The following KCNIP4 variants were observed in gnomAD, a reference collection of about 807,000 sequenced individuals.
The protein encoded by KCNIP4 is potassium voltage-gated channel interacting protein 4.
In KCNIP4, 12 loss-of-function variants were observed where a neutral mutation model predicts 34.0. That is an observed-to-expected ratio of 0.35 (90% CI 0.23 to 0.57). The LOEUF is 0.57. Among genes scored for constraint, KCNIP4 ranks in the 20% least tolerant of loss-of-function variants. The pLI, the probability that KCNIP4 is intolerant of heterozygous loss-of-function variation, is 0.83. For synonymous variants in KCNIP4, 124 were observed against 102.2 expected (o/e 1.21, Z -1.29); for missense variants, 238 against 311.7 (o/e 0.76, Z 1.78).
intron 1 of KCNIP4, among the ~76,000 whole-genome samples, chr4:21,025,592 T>C (rs182578840): frequency 0.011 from 1,531 of 135,878 alleles, 30 homozygotes; most frequent in African/African-American, 0.04. Context: ...CTCACTCTGT[T>C]GCCCAGGCTA....
At chr4:21,855,802 G>C (rs7678222) in intron 1 of KCNIP4, 143,732 of 152,064 alleles carry the variant, frequency 0.95, 68,437 homozygotes, top group East Asian at 1. Context: ...CTTCTTGTTT[G>C]CACCCTTGCC....
intron 4 of KCNIP4, among the ~76,000 whole-genome samples, chr4:20,749,971 A>G (rs1753293094): frequency 6.6e-6 from 1 of 152,216 alleles, no homozygotes; most frequent in Non-Finnish European, 1.5e-5. Context: ...CTGGCTGGCA[A>G]TGCTGTAGTC....
intron 1 of KCNIP4, among the ~76,000 whole-genome samples, chr4:21,022,167 A>T (rs998969707): frequency 3.3e-5 from 5 of 152,154 alleles, no homozygotes; most frequent in African/African-American, 1.2e-4. Flanking sequence ...GCAGCAAGTA[A>T]GTGTGTATTT....
intron 1 of KCNIP4, among the ~76,000 whole-genome samples, chr4:21,518,054 T>C (rs550929463): frequency 1.1e-4 from 16 of 152,254 alleles, no homozygotes; most frequent in African/African-American, 1.9e-4. Context: ...CTAGTAAGAA[T>C]TGAACATGAG....
intron 3 of KCNIP4, among the ~76,000 whole-genome samples, chr4:20,847,830 T>C (rs2149479597): frequency 6.6e-6 from 1 of 152,340 alleles, no homozygotes; most frequent in African/African-American, 2.4e-5. Flanking sequence ...TGGTTTATCC[T>C]TTGAATCACA....
At chr4:21,714,807 TTA>T (rs1195382052) in intron 1 of KCNIP4, among the ~76,000 whole-genome samples, 8 of 240 alleles carry the variant, frequency 0.033, 1 homozygote, top group Admixed American at 0.12. Flanking sequence ...TTATTTTATT[TTA>T]TTTTATTTTA....
At chr4:21,751,610 T>A (rs183117866) in intron 1 of KCNIP4, among the ~76,000 whole-genome samples, 17 of 152,264 alleles carry the variant, frequency 1.1e-4, no homozygotes, top group Admixed American at 4.6e-4. Context: ...GCGTTTGAAA[T>A]TTTCATAATA....
intron 1 of KCNIP4, among the ~76,000 whole-genome samples, chr4:21,022,230 A>G (rs60614253): frequency 0.024 from 3,730 of 152,252 alleles, 161 homozygotes; most frequent in African/African-American, 0.086. Context: ...GTCATTCCAC[A>G]TTTTGTTATG....
intron 1 of KCNIP4, among the ~76,000 whole-genome samples, chr4:20,987,325 C>T (rs1736668976): frequency 6.6e-6 from 1 of 152,154 alleles, no homozygotes; most frequent in African/African-American, 2.4e-5. Context: ...TATATTAAAA[C>T]ATCCTGGCTT....
Position 21,180,945 on chromosome 4 carries a change from A to T in KCNIP4, c.62-298236T>A, listed in dbSNP as rs568128969. ...TTATACTGAAAGGGGAGGATGTGTT[A>T]ATCTGTTTTAAGTTTAGGCTACAGG... On this transcript the variant is annotated intron_variant, in intron 1 of 8. Coordinates refer to ENST00000382152, the MANE Select transcript of KCNIP4 (RefSeq NM_025221.6). 3.7e-4 allele frequency among the ~76,000 whole-genome samples: 56 copies of T among 152,228 alleles called. 1 individual carries two copies. In the South Asian group the frequency reaches 0.011, roughly 31 times the overall value.
chr4:20,998,826 T>C (rs1737802036), intron 1 of KCNIP4, among the ~76,000 whole-genome samples: 1 of 152,222 alleles, frequency 6.6e-6, no homozygotes, highest in African/African-American at 2.4e-5. Context: ...GCACAGTCGG[T>C]GCACTTAATT....
intron 1 of KCNIP4, among the ~76,000 whole-genome samples, chr4:21,312,589 T>C (rs1023878871): frequency 2.6e-5 from 4 of 152,240 alleles, no homozygotes; most frequent in Admixed American, 6.5e-5. Context: ...CGGTTTCTCA[T>C]ACTTCTCTGG....
intron 1 of KCNIP4, among the ~76,000 whole-genome samples, chr4:20,925,327 T>A (rs1044284328): frequency 1.3e-5 from 2 of 152,010 alleles, no homozygotes; most frequent in African/African-American, 4.8e-5. Context: ...TTGAAGTCAC[T>A]AGATAAGACA....
intron 1 of KCNIP4, among the ~76,000 whole-genome samples, chr4:21,814,616 G>A (rs748992622): frequency 6.6e-6 from 1 of 152,104 alleles, no homozygotes; most frequent in Non-Finnish European, 1.5e-5. Flanking sequence ...CGTGAGAAGA[G>A]ACTAATACAC....
chr4:20,732,709 G>A lies in KCNIP4; in HGVS notation c.614C>T (p.Pro205Leu), dbSNP rs928176600. Residue 205 changes from proline to leucine, a missense_variant, in exon 7 of 9, where the codon CCC becomes CTC. Physicochemically the swap from Pro to Leu is moderately conservative, Grantham distance 98 (BLOSUM62 -3). Transcript: ENST00000382152. ...CTYPVLKEDA[P>L]RQHVETFFQK... is the part of the protein sequence containing the mutation. ...AAAAAATGTTTCAACGTGTTGTCTG[G>A]GAGCATCTTCTTTGAGGACAGGATA... 6.2e-7 allele frequency: 1 copy of A among 1,611,724 alleles called. No individual in the cohort carries two copies. The highest frequency in any genetic ancestry group is 1.7e-5 in the Admixed American group (1 of 59,972).
intron 3 of KCNIP4, among the ~76,000 whole-genome samples, chr4:20,849,717 C>A (rs1482840791): frequency 6.6e-6 from 1 of 152,114 alleles, no homozygotes; most frequent in African/African-American, 2.4e-5. Flanking sequence ...TAAGAACAAA[C>A]TATATGTTGG....
chr4:20,774,334 T>C (rs993141099), intron 3 of KCNIP4, among the ~76,000 whole-genome samples: 1 of 152,068 alleles, frequency 6.6e-6, no homozygotes, highest in African/African-American at 2.4e-5. Context: ...TCCTTAGTTA[T>C]TACTCTCAGT....
chr4:20,973,674 TGA>T (rs1450771967), intron 1 of KCNIP4, among the ~76,000 whole-genome samples: 7 of 152,284 alleles, frequency 4.6e-5, no homozygotes, highest in African/African-American at 1.7e-4. Flanking sequence ...TGATTTCAAG[TGA>T]GAGATGTATG....
chr4:21,824,103 T>C (rs4377576), intron 1 of KCNIP4, among the ~76,000 whole-genome samples: 75,278 of 152,042 alleles, frequency 0.5, 19,236 homozygotes, highest in African/African-American at 0.56. Context: ...CTTTGCAAAA[T>C]ATCATAACAA....
Sources: allele counts gnomAD v4.1 joint callset (sites outside exome capture counted in the v4.1 genomes callset), GRCh38; gene constraint gnomAD v4.1.1; transcripts MANE v1.5; gene names NCBI Gene and HGNC (gene_info 2026-07-23, HGNC 2026-07-21).